Variants in MYO1C observed in about 807,000 individuals in gnomAD.
The protein encoded by MYO1C is unconventional myosin-Ic.
A neutral mutation model predicts 150.8 loss-of-function variants in MYO1C; 104 were observed. The observed-to-expected ratio is 0.69, with a 90% CI of 0.59 to 0.81. The LOEUF (loss-of-function observed/expected upper bound fraction) is 0.81, where lower values mean the gene tolerates loss of function less well. Among genes scored for constraint, MYO1C ranks in the 30% least tolerant of loss-of-function variants. MYO1C has a pLI of 0.00. For synonymous variants in MYO1C, 663 were observed against 579.9 expected (o/e 1.14, Z -2.06); for missense variants, 1,504 against 1,435.0 (o/e 1.05, Z -0.78).
rs1044051221 is a variant in MYO1C at position 1,469,557 on chromosome 17, T to G, written c.2584A>C (p.Ser862Arg). The change falls in exon 25 of 32, where the codon AGT (serine) becomes CGT (arginine). Residue 862 changes from serine (S) to arginine (R), a missense_variant. Physicochemically the swap from Ser to Arg is moderately radical, Grantham distance 110. Coordinates refer to ENST00000648651, the MANE Select transcript of MYO1C (RefSeq NM_001080779.2). ...TGCTGCTTCCACTCAGGGCTGATAC[T>G]CCGGCAGTATTTCCACACCATGTTC... is the stretch of plus-strand genomic sequence containing the variant. The part of the protein sequence containing the change: ...IKNMVWKYCR[S>R]ISPEWKQQLQ... The G allele has an allele frequency of 1.2e-6, 2 of 1,613,174 alleles. No homozygotes were observed. The highest frequency in any genetic ancestry group is 1.3e-5 in the African/African-American group (1 of 75,030).
In MYO1C at chr17:1,486,677, G is replaced by A. The variant is rs1436879903; in HGVS notation, c.76-2374C>T. 3.0e-4 allele frequency among the ~76,000 whole-genome samples: 46 copies of A among 152,140 alleles called. 1 individual carries two copies. Among genetic ancestry groups the A allele is most frequent in the Non-Finnish European group, 8.8e-5 (6 of 68,028 alleles). The stretch of plus-strand genomic sequence containing the variant: ...ATTACAGGCGTGCGCCACCACACTC[G>A]GCTAATTTTTGTATTTTTAGTAGAG... On this transcript the variant is annotated intron_variant, in intron 1 of 31. Transcript: ENST00000648651.
chr17:1,466,501 T>C (rs2074174253), intron 31 of MYO1C, among the ~76,000 whole-genome samples: 1 of 152,074 alleles, frequency 6.6e-6, no homozygotes, highest in Admixed American at 6.6e-5. Context: ...CGGCTAATTT[T>C]GTATTTTAGT....
At position 1,480,812 on chromosome 17, in the gene MYO1C, TCCC is replaced by T; in HGVS notation, c.698_700del (p.Gly233del). The T allele has an allele frequency of 6.2e-7, 1 of 1,613,938 alleles. No homozygotes were observed. The highest frequency in any genetic ancestry group is 8.5e-7 in the Non-Finnish European group (1 of 1,179,976). On this transcript the variant is annotated inframe_deletion, in exon 6 of 32. Coordinates refer to ENST00000648651, the MANE Select transcript of MYO1C (RefSeq NM_001080779.2). ...CTGGTAGAAGATGTGGAAGTTCCGC[TCCC>T]CATGATTCTGGTGCACCACTCGTGA... is the stretch of plus-strand genomic sequence containing the variant.
In MYO1C at chr17:1,477,523, T is replaced by A; in HGVS notation, c.1556A>T (p.His519Leu). 2 of 1,613,582 alleles carry A rather than the reference T, an allele frequency of 1.2e-6. No homozygotes were observed. Among genetic ancestry groups the A allele is most frequent in the Non-Finnish European group, 1.7e-6 (2 of 1,179,992 alleles). The change falls in exon 14 of 32, where the codon CAC becomes CTC. Residue 519 changes from histidine to leucine, a missense_variant. Coordinates refer to ENST00000648651, the MANE Select transcript of MYO1C (RefSeq NM_001080779.2). ...FLEKLEDTVK[H>L]HPHFLTHKLA... ...CACTCACGTCAGGAAGTGTGGATGG[T>A]GCTTGACAGTATCCTCCAGCTTCTC... is the stretch of plus-strand genomic sequence containing the variant.
intron 16 of MYO1C, 38 bp downstream of exon 16, chr17:1,474,774 T>TCCCCCCCCCCCCCCCCGCCCCCCCCCCC: frequency 6.3e-7 from 1 of 1,597,382 alleles, no homozygotes; most frequent in Non-Finnish European, 8.6e-7. Context: ...CTGTGGGCTA[T>TCCCCCCCCCCCCCCCCGCCCCCCCCCCC]CCCCACCCCC....
Position 1,471,988 on chromosome 17 carries a change from TTCACC to T in MYO1C, c.1935_1939del (p.Lys647ProfsTer194). On this transcript the variant is annotated frameshift_variant, in exon 19 of 32. Transcript: ENST00000648651. LOFTEE classifies it high-confidence loss of function. ...CAGGTTTTCCAACAGCCCCAGGTACTTCACCTGGTGGCGGATCAGCACCTCGTCAA... is the reference window on the plus strand; with the variant it reads ...CAGGTTTTCCAACAGCCCCAGGTACTTGGTGGCGGATCAGCACCTCGTCAA... 1 of 1,614,034 alleles carries T rather than the reference TTCACC, an allele frequency of 6.2e-7. No individual in the cohort carries two copies. The highest frequency in any genetic ancestry group is 8.5e-7 in the Non-Finnish European group (1 of 1,179,978).
chr17:1,470,745 T>TCCCACGGCTCCCAGCGGGGAGCACAGCTG, intron 21 of MYO1C, 56 bp from the exon 22 acceptor site: 1 of 1,535,852 alleles, frequency 6.5e-7, no homozygotes, highest in Non-Finnish European at 8.8e-7. Context: ...GCTGGGAGCC[T>TCCCACGGCTCCCAGCGGGGAGCACAGCTG]GGTGCCGTGT....
rs1425188736 is a variant in MYO1C, at chr17:1,467,480, C to T, written c.3065G>A (p.Ser1022Asn). The change falls in exon 30 of 32, where the codon AGC (serine) becomes AAC (asparagine). Residue 1022 changes from serine to asparagine, a missense_variant and splice_region_variant. By Grantham distance (46) the Ser-to-Asn change is conservative (BLOSUM62 1). Coordinates refer to ENST00000648651, the MANE Select transcript of MYO1C (RefSeq NM_001080779.2). ...RVNSININQG[S>N]ITFAGGPGRD... ...TCCCCGGGGGCCGCCCGCGCCTCAC[C>T]TGCCCTGGTTGATGTTGATGCTGTT... The T allele has an allele frequency of 6.2e-7, 1 of 1,613,036 alleles. No individual in the cohort carries two copies. Among genetic ancestry groups the T allele is most frequent in the Non-Finnish European group, 8.5e-7 (1 of 1,179,934 alleles).
At chr17:1,468,366 G>A (rs1274109180) in intron 26 of MYO1C, 37 bp downstream of exon 26, 2 of 1,613,588 alleles carry the variant, frequency 1.2e-6, no homozygotes, top group Non-Finnish European at 1.7e-6. Flanking sequence ...CCAGGATGGT[G>A]ACGAAAGGTC....
In MYO1C at chr17:1,478,209, G is replaced by A; in HGVS notation, c.1296-17C>T. On this transcript the variant is annotated splice_polypyrimidine_tract_variant and intron_variant, in intron 11 of 31. Coordinates refer to ENST00000648651, the MANE Select transcript of MYO1C (RefSeq NM_001080779.2). This position sits in a 1 kb window ranked among gnomAD's most constrained non-coding sequence, Gnocchi z 6.3. Reference sequence around the variant, plus strand: ...TGCTCAAAGCTGTAAGGAAGGAGAAGAGCCCACAGTGGCTCAGTGGGGACA... The same window carrying A: ...TGCTCAAAGCTGTAAGGAAGGAGAAAAGCCCACAGTGGCTCAGTGGGGACA... 6.2e-7 allele frequency: 1 copy of A among 1,612,192 alleles called. No homozygotes were observed. The highest frequency in any genetic ancestry group is 8.5e-7 in the Non-Finnish European group (1 of 1,178,942).
intron 14 of MYO1C, among the ~76,000 whole-genome samples, chr17:1,476,664 T>G (rs2074407643): frequency 6.6e-6 from 1 of 152,188 alleles, no homozygotes; most frequent in African/African-American, 2.4e-5. Context: ...AGCGACGACA[T>G]GCACAGCATG....
At chr17:1,470,960 G>A (rs1029766638) in intron 21 of MYO1C, 111 bp downstream of exon 21, 191 of 1,229,112 alleles carry the variant, frequency 1.6e-4, no homozygotes, top group Non-Finnish European at 2.1e-4. Context: ...TGGGCGTGGG[G>A]CTGGAGCTGA....
intron 3 of MYO1C, 33 bp downstream of exon 3, chr17:1,483,577 G>T: frequency 6.6e-7 from 1 of 1,517,010 alleles, no homozygotes. Context: ...TGGAGACAGA[G>T]GGGTCGCTCC....
intron 1 of MYO1C, chr17:1,485,663 C>A: frequency 8.3e-7 from 1 of 1,208,564 alleles, no homozygotes; most frequent in Non-Finnish European, 1.0e-6. Flanking sequence ...GCCCGGGACC[C>A]CCCGCCCTGC....
chr17:1,471,386 G>A (rs767582935), intron 19 of MYO1C, 50 bp from the exon 20 acceptor site: 59 of 1,532,094 alleles, frequency 3.9e-5, no homozygotes, highest in Admixed American at 8.7e-5. Context: ...AGCCTGCCCT[G>A]GGGACCCCAA....
rs1268144233 is a variant in MYO1C, at chr17:1,479,051, T to TC, written c.1093-317_1093-316insG. Among the ~76,000 whole-genome samples the TC allele has an allele frequency of 2.0e-4, 31 of 152,104 alleles. No individual in the cohort carries two copies. Among genetic ancestry groups the TC allele is most frequent in the Non-Finnish European group, 7.4e-5 (5 of 67,998 alleles). ...TTTTTTGAGACAGAGTCTAGCTCTG[T>TC]TGCCGTGATCTCGGCTCACTGCAAC... On this transcript the variant is annotated intron_variant, in intron 9 of 31. Coordinates refer to ENST00000648651, the MANE Select transcript of MYO1C (RefSeq NM_001080779.2). The surrounding 1 kb of genome is among the most constrained non-coding windows in gnomAD (Gnocchi z 4.2).
At chr17:1,469,108 A>G (rs2074241161) in intron 25 of MYO1C, 1 of 320,788 alleles carries the variant, frequency 3.1e-6, no homozygotes, top group Non-Finnish European at 6.1e-6. Flanking sequence ...CGGGGTAAAT[A>G]CGGTAGACTA....
Position 1,472,218 on chromosome 17 carries a change from T to C in MYO1C, c.1808A>G (p.Gln603Arg), listed in dbSNP as rs1459176766. The change falls in exon 18 of 32, where the codon CAG becomes CGG. Residue 603 changes from glutamine (Q) to arginine (R), a missense_variant. Gln to Arg is a conservative substitution (Grantham distance 43, BLOSUM62 1). Transcript: ENST00000648651. ...CAGCTGCAGGAGGCTCATCTTGAACTGGGTGGCGACCTGGCGAGCCAAGAG... is the reference window on the plus strand; with the variant it reads ...CAGCTGCAGGAGGCTCATCTTGAACCGGGTGGCGACCTGGCGAGCCAAGAG... Reference protein sequence around the residue: ...DKKRPETVATQFKMSLLQLVE... With the variant: ...DKKRPETVATRFKMSLLQLVE... 19 of 1,614,062 alleles carry C rather than the reference T, an allele frequency of 1.2e-5. No homozygotes were observed. Among genetic ancestry groups the C allele is most frequent in the Admixed American group, 1.7e-5 (1 of 60,016 alleles).
Position 1,492,681 on chromosome 17 carries a change from A to C in MYO1C, c.-194T>G. ...CCTCAGGACACGGCTGGAGCCGTCC[A>C]GGTCTGACTGGGAGGCCTCTTGGCC... On this transcript the variant is annotated 5_prime_UTR_variant, in exon 1 of 32. Coordinates refer to ENST00000648651, the MANE Select transcript of MYO1C (RefSeq NM_001080779.2). 1.6e-6 allele frequency: 1 copy of C among 620,926 alleles called. No homozygotes were observed. The highest frequency in any genetic ancestry group is 2.9e-6 in the Non-Finnish European group (1 of 344,396). 38.5% of individuals were successfully genotyped at this position (620,926 alleles called of 1,614,324 possible).
Sources: gnomAD v4.1 joint callset for allele counts (sites outside exome capture counted in the v4.1 genomes callset) on GRCh38, gnomAD v4.1.1 for gene constraint, Gnocchi (gnomAD v3.1) non-coding constraint, MANE v1.5 for transcripts, NCBI Gene and HGNC (gene_info 2026-07-23, HGNC 2026-07-21) for gene names.